RHOA: variants seen among roughly 807,000 people sequenced by gnomAD.
The protein encoded by RHOA is ras homolog family member A, also known as transforming protein RhoA.
A neutral mutation model predicts 17.5 loss-of-function variants in RHOA; 3 were observed. That is an observed-to-expected ratio of 0.17 (90% confidence interval 0.08 to 0.44). RHOA has a LOEUF of 0.44. RHOA is among the 20% of genes least tolerant of loss of function. RHOA has a pLI of 0.99. For synonymous variants in RHOA, 98 were observed against 88.4 expected (o/e 1.11, Z -0.61); for missense variants, 56 against 242.3 (o/e 0.23, Z 5.10).
At chr3:49,398,939 C>A (rs2048668609) in intron 1 of RHOA, among the ~76,000 whole-genome samples, 1 of 147,390 alleles carries the variant, frequency 6.8e-6, no homozygotes, top group African/African-American at 2.5e-5. Context: ...CGCCTGTAAT[C>A]CCAGTTATTT....
intron 1 of RHOA, among the ~76,000 whole-genome samples, chr3:49,392,610 G>A (rs1283617071): frequency 6.6e-6 from 1 of 152,148 alleles, no homozygotes; most frequent in Admixed American, 6.6e-5. Context: ...CCTTCCACAA[G>A]TGCTGGGATT....
intron 3 of RHOA, among the ~76,000 whole-genome samples, chr3:49,364,664 A>G (rs933947364): frequency 6.6e-6 from 1 of 151,868 alleles, no homozygotes; most frequent in Non-Finnish European, 1.5e-5. Flanking sequence ...CCGTCTCAAA[A>G]TAAATAAATA....
At chr3:49,403,792 T>C (rs757779227) in intron 1 of RHOA, among the ~76,000 whole-genome samples, 3 of 152,078 alleles carry the variant, frequency 2.0e-5, no homozygotes, top group Non-Finnish European at 4.4e-5. Context: ...TGTATGCAAA[T>C]TAAACCTCCA....
intron 1 of RHOA, among the ~76,000 whole-genome samples, chr3:49,386,043 T>G (rs1199398105): frequency 6.6e-6 from 1 of 152,168 alleles, no homozygotes; most frequent in Non-Finnish European, 1.5e-5. Context: ...TCCAAGATTA[T>G]TTTGGTTATT....
intron 1 of RHOA, among the ~76,000 whole-genome samples, chr3:49,392,617 G>T (rs970087815): frequency 6.6e-6 from 1 of 152,242 alleles, no homozygotes; most frequent in African/African-American, 2.4e-5. Flanking sequence ...CAAGTGCTGG[G>T]ATTACAGGTG....
rs147283934 is a variant in RHOA at position 49,362,273 on chromosome 3, C to T, written c.408+223G>A. Among the ~76,000 whole-genome samples the T allele has an allele frequency of 6.3e-4, 96 of 152,246 alleles. No homozygotes were observed. The East Asian group carries it at 0.019, about 29-fold the overall frequency. On this transcript the variant is annotated intron_variant, in intron 4 of 4. Coordinates refer to ENST00000418115, the MANE Select transcript of RHOA (RefSeq NM_001664.4). ...TTCTCAGGCCAGCAGTCCTTATGGG[C>T]ATAGCACTACCTCATAAAAAAACAT...
chr3:49,397,681 A>G (rs1023360721), intron 1 of RHOA, among the ~76,000 whole-genome samples: 1 of 152,114 alleles, frequency 6.6e-6, no homozygotes, highest in East Asian at 1.9e-4. Flanking sequence ...GTATGCAGAA[A>G]ATGATGATGC....
intron 1 of RHOA, among the ~76,000 whole-genome samples, chr3:49,393,200 A>T (rs895520711): frequency 6.6e-6 from 1 of 152,044 alleles, no homozygotes; most frequent in South Asian, 2.1e-4. Flanking sequence ...TATTTTAAAG[A>T]TAAATTCTAA....
chr3:49,392,394 A>T (rs1482625823), intron 1 of RHOA, among the ~76,000 whole-genome samples: 3 of 152,196 alleles, frequency 2.0e-5, no homozygotes, highest in African/African-American at 7.2e-5. Flanking sequence ...GTGAGCCATG[A>T]TCATACCATT....
chr3:49,396,637 G>A (rs949650332), intron 1 of RHOA, among the ~76,000 whole-genome samples: 5 of 151,968 alleles, frequency 3.3e-5, no homozygotes, highest in African/African-American at 1.2e-4. Context: ...AACCTGGGAG[G>A]TGGAGGTGTC....
At chr3:49,379,857 G>A (rs1431725066) in intron 1 of RHOA, among the ~76,000 whole-genome samples, 1 of 152,182 alleles carries the variant, frequency 6.6e-6, no homozygotes, top group African/African-American at 2.4e-5. Flanking sequence ...TGAATTGTAA[G>A]ATATGTGGAT....
chr3:49,392,597 C>CA (rs1407707414), intron 1 of RHOA, among the ~76,000 whole-genome samples: 1 of 152,182 alleles, frequency 6.6e-6, no homozygotes, highest in Non-Finnish European at 1.5e-5. Context: ...CTGCCTGCCT[C>CA]AGCCTTCCAC....
intron 1 of RHOA, among the ~76,000 whole-genome samples, chr3:49,404,611 CAAAAAAAAAAA>C (rs71080508): frequency 3.0e-5 from 1 of 33,166 alleles, no homozygotes; most frequent in Admixed American, 5.4e-4. Flanking sequence ...GACTCCGTCT[CAAAAAAAAAAA>C]AAAAAAAAAA....
At chr3:49,396,103 G>A (rs1163734360) in intron 1 of RHOA, among the ~76,000 whole-genome samples, 1 of 152,128 alleles carries the variant, frequency 6.6e-6, no homozygotes, top group Non-Finnish European at 1.5e-5. Flanking sequence ...AAGAAAAAAG[G>A]AAGAACACAT....
At chr3:49,407,367 G>A (rs116818995) in intron 1 of RHOA, among the ~76,000 whole-genome samples, 260 of 150,698 alleles carry the variant, frequency 1.7e-3, no homozygotes, top group Non-Finnish European at 2.5e-3. Flanking sequence ...CTGAATAGCC[G>A]GGATTATAGG....
intron 1 of RHOA, among the ~76,000 whole-genome samples, chr3:49,397,268 A>G (rs1411633265): frequency 3.9e-5 from 6 of 152,176 alleles, no homozygotes; most frequent in African/African-American, 1.2e-4. Flanking sequence ...AGGCAAATCT[A>G]TAGAGACACA....
intron 1 of RHOA, among the ~76,000 whole-genome samples, chr3:49,377,341 C>T (rs1438855183): frequency 2.6e-5 from 4 of 152,030 alleles, no homozygotes; most frequent in African/African-American, 9.7e-5. Context: ...GCCTATAATC[C>T]CAGCAATCTG....
intron 1 of RHOA, among the ~76,000 whole-genome samples, chr3:49,407,819 GTA>G (rs2048860201): frequency 6.6e-6 from 1 of 151,822 alleles, no homozygotes; most frequent in South Asian, 2.1e-4. Flanking sequence ...CATTGGCTGT[GTA>G]TGTTTTCCTC....
At chr3:49,386,242 ATT>A (rs3049053) in intron 1 of RHOA, among the ~76,000 whole-genome samples, 111,513 of 151,754 alleles carry the variant, frequency 0.73, 41,479 homozygotes, top group East Asian at 0.99. Context: ...GTCATCTTTC[ATT>A]TTTTTACTTC....
Sources: allele counts gnomAD v4.1 joint callset (sites outside exome capture counted in the v4.1 genomes callset), GRCh38; gene constraint gnomAD v4.1.1; transcripts MANE v1.5; gene names NCBI Gene and HGNC (gene_info 2026-07-23, HGNC 2026-07-21).